The following FAM20B variants were observed in gnomAD, a reference collection of about 807,000 sequenced individuals.
FAM20B encodes the protein FAM20B glycosaminoglycan xylosylkinase, also known as glycosaminoglycan xylosylkinase.
FAM20B carries 23 observed loss-of-function variants against 43.8 expected under a neutral mutation model. The observed-to-expected ratio is 0.53, with a 90% CI of 0.38 to 0.74. FAM20B has a LOEUF of 0.74. Ranked by LOEUF, FAM20B falls within the 30% of genes least tolerant of loss-of-function variation. FAM20B has a pLI of 0.00. For synonymous variants in FAM20B, 178 were observed against 192.4 expected (o/e 0.93, Z 0.62); for missense variants, 440 against 510.5 (o/e 0.86, Z 1.33).
chr1:179,041,023 C>T (rs1310573665), intron 1 of FAM20B, among the ~76,000 whole-genome samples: 6 of 147,964 alleles, frequency 4.1e-5, no homozygotes, highest in Non-Finnish European at 8.9e-5. Flanking sequence ...GATGGGCAGC[C>T]GGGCAGAGAC....
At position 179,075,443 on chromosome 1, in the gene FAM20B, G is replaced by C. The variant is rs1416456741; in HGVS notation, c.*3299G>C. 1 of 152,492 alleles carries C rather than the reference G, an allele frequency of 6.6e-6. No individual in the cohort carries two copies. The highest frequency in any genetic ancestry group is 1.5e-5 in the Non-Finnish European group (1 of 68,026). 9.4% of individuals were successfully genotyped at this position (152,492 alleles called of 1,614,324 possible). ...ACATGTTTATTCTAAAGTTCGAATG[G>C]ATAAATTTGAGTATAAAGGTTTTGT... On this transcript the variant is annotated 3_prime_UTR_variant, in exon 8 of 8. Transcript: ENST00000263733.
At chr1:179,048,463 C>T (rs1650872636) in intron 2 of FAM20B, among the ~76,000 whole-genome samples, 1 of 152,228 alleles carries the variant, frequency 6.6e-6, no homozygotes, top group Non-Finnish European at 1.5e-5. Context: ...TTACTCTGCG[C>T]AGCCTTTAGA....
chr1:179,075,634 G>A lies in FAM20B; in HGVS notation c.*3490G>A, dbSNP rs1250962995. On this transcript the variant is annotated 3_prime_UTR_variant, in exon 8 of 8. Transcript: ENST00000263733. ...TGCACTCAGGGTTAATATGTCAAATGAAATTTAAGAAGGAAATGGAAGAAT... is the reference window on the plus strand; with the variant it reads ...TGCACTCAGGGTTAATATGTCAAATAAAATTTAAGAAGGAAATGGAAGAAT... 1 of 152,528 alleles carries A rather than the reference G, an allele frequency of 6.6e-6. No individual in the cohort carries two copies. The highest frequency in any genetic ancestry group is 1.5e-5 in the Non-Finnish European group (1 of 68,028). 9.4% of individuals were successfully genotyped at this position (152,528 alleles called of 1,614,324 possible). A position where few individuals can be genotyped will look rare whatever the true frequency, so the allele number is the denominator to read the frequency against.
the FAM20B span, among the ~76,000 whole-genome samples, chr1:179,019,849 C>G: frequency 2.6e-5 from 4 of 152,160 alleles, no homozygotes; most frequent in African/African-American, 9.7e-5. Context: ...TCTGAAAATC[C>G]TAGCACACTC....
chr1:179,038,837 A>G (rs1429578802), intron 1 of FAM20B, among the ~76,000 whole-genome samples: 1 of 152,244 alleles, frequency 6.6e-6, no homozygotes, highest in African/African-American at 2.4e-5. Context: ...CTGGGAGATG[A>G]TGATGAAACA....
At position 179,070,209 on chromosome 1, in the gene FAM20B, G is replaced by C. The variant is rs912991865; in HGVS notation, c.999-1704G>C. On this transcript the variant is annotated intron_variant, in intron 7 of 7. Coordinates refer to ENST00000263733, the MANE Select transcript of FAM20B (RefSeq NM_014864.4). ...TACAGGCATGTACCACCATGCCCGGGTAATTTTTGTATTTTTAGGAGAGAT... is the reference window on the plus strand; with the variant it reads ...TACAGGCATGTACCACCATGCCCGGCTAATTTTTGTATTTTTAGGAGAGAT... 3.3e-5 allele frequency among the ~76,000 whole-genome samples: 5 copies of C among 151,282 alleles called. No individual in the cohort carries two copies. In the South Asian group the frequency reaches 1.1e-3, roughly 32 times the overall value.
chr1:179,039,821 G>A (rs1282675878), intron 1 of FAM20B, among the ~76,000 whole-genome samples: 1 of 151,978 alleles, frequency 6.6e-6, no homozygotes, highest in Non-Finnish European at 1.5e-5. Context: ...TGGAGGGAAG[G>A]TCAGCAGATA....
At chr1:179,040,646 C>T (rs1192383969) in intron 1 of FAM20B, among the ~76,000 whole-genome samples, 2 of 127,834 alleles carry the variant, frequency 1.6e-5, no homozygotes, top group African/African-American at 6.5e-5. Context: ...CCGGACGGGG[C>T]GGCTGGCCGG....
intron 1 of FAM20B, among the ~76,000 whole-genome samples, chr1:179,036,358 A>C (rs1650225520): frequency 6.6e-6 from 1 of 152,040 alleles, no homozygotes; most frequent in Non-Finnish European, 1.5e-5. Context: ...TATTACCTTG[A>C]GTTTGTTTGT....
chr1:179,057,295 A>C (rs1033198965), intron 4 of FAM20B, among the ~76,000 whole-genome samples: 4 of 152,166 alleles, frequency 2.6e-5, no homozygotes, highest in African/African-American at 9.7e-5. Flanking sequence ...CAGTAAGCTG[A>C]GATCACGCCA....
chr1:179,019,467 C>CT, the FAM20B span, among the ~76,000 whole-genome samples: 22,309 of 141,802 alleles, frequency 0.16, 2,321 homozygotes, highest in African/African-American at 0.29. Context: ...TTGTTTGTTT[C>CT]TTTTTTTTTT....
At chr1:179,022,311 C>T (rs74129731), upstream of FAM20B, among the ~76,000 whole-genome samples, 2,137 of 152,284 alleles carry the variant, frequency 0.014, 48 homozygotes, top group African/African-American at 0.049. Context: ...TCCCGTCACC[C>T]TCTCCCCAGG....
At chr1:179,043,307 C>T (rs189406998) in intron 1 of FAM20B, among the ~76,000 whole-genome samples, 35 of 152,272 alleles carry the variant, frequency 2.3e-4, no homozygotes, top group African/African-American at 5.8e-4. Context: ...AGAGTGGGTG[C>T]GGGGAGTGGG....
intron 1 of FAM20B, among the ~76,000 whole-genome samples, chr1:179,039,644 G>C (rs944671729): frequency 2.6e-5 from 4 of 152,198 alleles, no homozygotes; most frequent in African/African-American, 9.6e-5. Context: ...AAATACATGA[G>C]CAGCAGATAT....
chr1:179,036,163 C>T (rs111503071), intron 1 of FAM20B, among the ~76,000 whole-genome samples: 2 of 151,990 alleles, frequency 1.3e-5, no homozygotes, highest in Non-Finnish European at 2.9e-5. Context: ...AATTAGCCTC[C>T]GTAGCAAGCC....
chr1:179,044,181 C>T lies in FAM20B; in HGVS notation c.334C>T (p.Leu112=), dbSNP rs781161542. The change falls in exon 2 of 8, where the codon CTG becomes TTG. Residue 112 remains leucine (L), a synonymous_variant. Coordinates refer to ENST00000263733, the MANE Select transcript of FAM20B (RefSeq NM_014864.4). ...TAAAGGGACACAGCTGAAAGCCTTA[C>T]TGATACTTGAAGGAGGCCAGAAAGT... ...GYKGTQLKAL[L]ILEGGQKVVF... is the part of the protein sequence containing the mutation. 1.2e-6 allele frequency: 2 copies of T among 1,613,032 alleles called. No individual in the cohort carries two copies. Among genetic ancestry groups the T allele is most frequent in the Non-Finnish European group, 1.7e-6 (2 of 1,179,458 alleles).
upstream of FAM20B, among the ~76,000 whole-genome samples, chr1:179,020,826 T>C (rs1439037576): frequency 1.3e-5 from 2 of 152,252 alleles, no homozygotes; most frequent in African/African-American, 2.4e-5. Context: ...ATCCCAGCAC[T>C]TTGGGAGGCC....
At chr1:179,018,315 CT>C in the FAM20B span, among the ~76,000 whole-genome samples, 1 of 151,580 alleles carries the variant, frequency 6.6e-6, no homozygotes, top group Non-Finnish European at 1.5e-5. Flanking sequence ...TACCAAAGAT[CT>C]TTTTTTTTGA....
In FAM20B at chr1:179,026,106, G is replaced by T. The variant is rs1056035833; in HGVS notation, c.-134+8G>T. ...GAGCCTAGGGCCCGACAGGTGAGTG[G>T]CGCGGGGGCGGGGGAGGGCGCGCGA... On this transcript the variant is annotated splice_region_variant and intron_variant, in intron 1 of 7. Coordinates refer to ENST00000263733, the MANE Select transcript of FAM20B (RefSeq NM_014864.4). 4.1e-5 allele frequency: 6 copies of T among 145,026 alleles called. No homozygotes were observed. Among genetic ancestry groups the T allele is most frequent in the African/African-American group, 1.5e-4 (6 of 40,328 alleles). The allele number at this position is 145,026 out of a possible 1,614,324, so 9.0% of individuals were successfully genotyped here.
Sources: gnomAD v4.1 joint callset for allele counts (sites outside exome capture counted in the v4.1 genomes callset) on GRCh38, gnomAD v4.1.1 for gene constraint, MANE v1.5 for transcripts, NCBI Gene and HGNC (gene_info 2026-07-23, HGNC 2026-07-21) for gene names.